TMEM132B: variants seen among roughly 807,000 people sequenced by gnomAD.
TMEM132B encodes transmembrane protein 132B.
Under a neutral mutation model 90.8 loss-of-function variants are expected in TMEM132B, and 18 were observed. The ratio of observed to expected loss-of-function variants is 0.20; its 90% CI spans 0.14 to 0.29. TMEM132B has a LOEUF of 0.29. Among genes scored for constraint, TMEM132B ranks in the 10% least tolerant of loss-of-function variants. The pLI is 1.00. For synonymous variants in TMEM132B, 504 were observed against 523.3 expected (o/e 0.96, Z 0.50); for missense variants, 1,096 against 1,326.8 (o/e 0.83, Z 2.70).
At chr12:125,219,256 G>A (rs926625303) in intron 1 of TMEM132B, among the ~76,000 whole-genome samples, 2 of 152,196 alleles carry the variant, frequency 1.3e-5, no homozygotes, top group African/African-American at 4.8e-5. Flanking sequence ...TGAAGATTCT[G>A]GATGACACCG....
chr12:125,621,079 AT>A (rs1294028783), intron 5 of TMEM132B, among the ~76,000 whole-genome samples: 1 of 152,204 alleles, frequency 6.6e-6, no homozygotes, highest in East Asian at 1.9e-4. Context: ...CCATAAATAC[AT>A]TTTGAGTCTG....
intron 3 of TMEM132B, among the ~76,000 whole-genome samples, chr12:125,509,126 C>T (rs1241483077): frequency 7.9e-5 from 12 of 152,072 alleles, no homozygotes; most frequent in Admixed American, 5.2e-4. Flanking sequence ...CTTCACTTTC[C>T]CCCTGTGGAT....
intron 3 of TMEM132B, among the ~76,000 whole-genome samples, chr12:125,484,844 A>G (rs1267361476): frequency 2.0e-5 from 3 of 152,104 alleles, no homozygotes; most frequent in African/African-American, 4.8e-5. Context: ...TGCTCAGGCA[A>G]TCCTTCTACC....
intron 5 of TMEM132B, among the ~76,000 whole-genome samples, chr12:125,616,961 C>T (rs1886003142): frequency 6.6e-6 from 1 of 152,178 alleles, no homozygotes; most frequent in African/African-American, 2.4e-5. Flanking sequence ...AAGTGGTCAT[C>T]CACTAATAAC....
chr12:125,541,350 CT>C (rs1257530958), intron 4 of TMEM132B, among the ~76,000 whole-genome samples: 1 of 152,150 alleles, frequency 6.6e-6, no homozygotes, highest in East Asian at 1.9e-4. Flanking sequence ...CCTGGCACCC[CT>C]GATTCTGTCT....
At chr12:125,350,436 A>G in intron 2 of TMEM132B, 93 bp downstream of exon 2, 6 of 1,404,066 alleles carry the variant, frequency 4.3e-6, no homozygotes, top group Non-Finnish European at 5.8e-6. Context: ...TCATTTGCTG[A>G]CTATTGTCAA....
chr12:125,310,680 G>A (rs1409974862), intron 1 of TMEM132B, among the ~76,000 whole-genome samples: 3 of 152,148 alleles, frequency 2.0e-5, no homozygotes, highest in Non-Finnish European at 4.4e-5. Flanking sequence ...TAGGCCTCTG[G>A]TTACCATGGC....
At chr12:125,258,731 G>A (rs1325714625) in intron 1 of TMEM132B, among the ~76,000 whole-genome samples, 5 of 152,148 alleles carry the variant, frequency 3.3e-5, no homozygotes, top group Admixed American at 6.6e-5. Context: ...GGCATGGGAC[G>A]CGGTATGCTG....
chr12:125,552,637 T>C (rs943369414), intron 4 of TMEM132B, among the ~76,000 whole-genome samples: 2 of 152,220 alleles, frequency 1.3e-5, no homozygotes, highest in Non-Finnish European at 2.9e-5. Context: ...TTCCATTTTC[T>C]CAGCTAGCTT....
chr12:125,476,463 A>G (rs1397295284), intron 3 of TMEM132B, among the ~76,000 whole-genome samples: 2 of 152,250 alleles, frequency 1.3e-5, no homozygotes, highest in African/African-American at 4.8e-5. Flanking sequence ...AGCAGGGATC[A>G]GAACTTCATT....
chr12:125,617,622 GGC>G (rs1411841746), intron 5 of TMEM132B, among the ~76,000 whole-genome samples: 2 of 152,164 alleles, frequency 1.3e-5, no homozygotes, highest in African/African-American at 4.8e-5. Context: ...TGGGATTACA[GGC>G]GTGAGCCACC....
At chr12:125,290,690 TC>T (rs1875512619) in intron 1 of TMEM132B, among the ~76,000 whole-genome samples, 1 of 152,230 alleles carries the variant, frequency 6.6e-6, no homozygotes, top group African/African-American at 2.4e-5. Flanking sequence ...CACGGAATAT[TC>T]ATCTGTCCTC....
intron 4 of TMEM132B, among the ~76,000 whole-genome samples, chr12:125,537,156 G>A (rs1883825551): frequency 6.6e-6 from 1 of 152,092 alleles, no homozygotes; most frequent in Admixed American, 6.5e-5. Flanking sequence ...AGACCCTGGG[G>A]AACCCACATA....
chr12:125,606,971 G>A (rs1393602699), intron 5 of TMEM132B, among the ~76,000 whole-genome samples: 2 of 152,112 alleles, frequency 1.3e-5, no homozygotes, highest in African/African-American at 2.4e-5. Context: ...GCTTGTAAAG[G>A]CCCACCCAGT....
chr12:125,462,887 A>C (rs1229517368), intron 3 of TMEM132B, among the ~76,000 whole-genome samples: 3 of 152,192 alleles, frequency 2.0e-5, no homozygotes, highest in Admixed American at 1.3e-4. Flanking sequence ...TGAGCCATGC[A>C]CAAAGCCTCA....
chr12:125,645,554 C>A (rs570694092), intron 6 of TMEM132B, among the ~76,000 whole-genome samples: 1 of 152,310 alleles, frequency 6.6e-6, no homozygotes, highest in African/African-American at 2.4e-5. Flanking sequence ...CTCCAAATGA[C>A]AACCAGCCAG....
Position 125,489,279 on chromosome 12 carries a change from G to A in TMEM132B, c.1107-30160G>A, listed in dbSNP as rs957569586. On this transcript the variant is annotated intron_variant, in intron 3 of 8. Coordinates refer to ENST00000682704, the MANE Select transcript of TMEM132B (RefSeq NM_001366854.1). ...TTCATTTATGGTTGAGAAAACTGAGGCTGAGAGAAGTTAAGTGATTTGTCC... is the reference window on the plus strand; with the variant it reads ...TTCATTTATGGTTGAGAAAACTGAGACTGAGAGAAGTTAAGTGATTTGTCC... Among the ~76,000 whole-genome samples the A allele has an allele frequency of 3.9e-5, 6 of 152,122 alleles. No individual in the cohort carries two copies. The South Asian group carries it at 1.2e-3, about 32-fold the overall frequency.
rs869083244 is a variant in TMEM132B, at chr12:125,282,027, C to CAAAA, written c.68-67395_68-67392dup. Among the ~76,000 whole-genome samples, 34 of 16,022 alleles carry CAAAA rather than the reference C, an allele frequency of 2.1e-3. 3 individuals carry two copies. Among genetic ancestry groups the CAAAA allele is most frequent in the Admixed American group, 7.8e-3 (8 of 1,032 alleles). The allele number at this position is 16,022 out of a possible 152,430, so 10.5% of individuals were successfully genotyped here. A position where few individuals can be genotyped will look rare whatever the true frequency, so the allele number is the denominator to read the frequency against. On this transcript the variant is annotated intron_variant, in intron 1 of 8. Transcript: ENST00000682704. Reference sequence around the variant, plus strand: ...TGGCCAACACAGGGAGACTCCGTCTCAAAAAAAAAAAAAAAAAAAAAAAAA... The same window carrying CAAAA: ...TGGCCAACACAGGGAGACTCCGTCTCAAAAAAAAAAAAAAAAAAAAAAAAAAAAA...
chr12:125,597,717 A>G (rs1404030347), intron 5 of TMEM132B, among the ~76,000 whole-genome samples: 1 of 152,206 alleles, frequency 6.6e-6, no homozygotes, highest in East Asian at 1.9e-4. Context: ...AGATTTGTCC[A>G]GTGCCTGCCG....
Sources: gnomAD v4.1 joint callset for allele counts (sites outside exome capture counted in the v4.1 genomes callset) on GRCh38, gnomAD v4.1.1 for gene constraint, MANE v1.5 for transcripts, NCBI Gene and HGNC (gene_info 2026-07-23, HGNC 2026-07-21) for gene names.